RCAN2: variants seen among roughly 807,000 people sequenced by gnomAD.
RCAN2 encodes calcipressin-2.
Under a neutral mutation model 23.6 loss-of-function variants are expected in RCAN2, and 9 were observed. That is an observed-to-expected ratio of 0.38 (90% CI 0.23 to 0.67). The LOEUF (loss-of-function observed/expected upper bound fraction) is 0.67. Among genes scored for constraint, RCAN2 ranks in the 30% least tolerant of loss-of-function variants. The pLI is 0.51. For synonymous variants in RCAN2, 109 were observed against 115.7 expected (o/e 0.94, Z 0.37); for missense variants, 273 against 302.3 (o/e 0.90, Z 0.72).
chr6:46,220,826 C>T lies in RCAN2; in HGVS notation c.*2315G>A, dbSNP rs1203175457. ...TGGTGGAAATCTTCCCCTTCCCCTT[C>T]ATTGTTAAAGTTTTCAAACTTAAAA... On this transcript the variant is annotated 3_prime_UTR_variant, in exon 5 of 5. Coordinates refer to ENST00000371374, the MANE Select transcript of RCAN2 (RefSeq NM_001251974.2). 6.5e-6 allele frequency: 1 copy of T among 152,702 alleles called. No homozygotes were observed. Among genetic ancestry groups the T allele is most frequent in the Non-Finnish European group, 1.5e-5 (1 of 68,040 alleles). 9.5% of individuals were successfully genotyped at this position (152,702 alleles called of 1,614,324 possible). A position where few individuals can be genotyped will look rare whatever the true frequency, so the allele number is the denominator to read the frequency against.
intron 2 of RCAN2, among the ~76,000 whole-genome samples, chr6:46,263,279 T>C (rs1173902092): frequency 6.6e-5 from 10 of 152,092 alleles, no homozygotes; most frequent in Non-Finnish European, 1.2e-4. Context: ...ATTAAGATCC[T>C]CCATAATGTA....
intron 2 of RCAN2, among the ~76,000 whole-genome samples, chr6:46,415,689 C>T (rs1766692837): frequency 6.6e-6 from 1 of 151,892 alleles, no homozygotes; most frequent in Non-Finnish European, 1.5e-5. Context: ...AGGTGGCACC[C>T]AATGACTTTT....
intron 2 of RCAN2, among the ~76,000 whole-genome samples, chr6:46,391,297 C>T (rs1319690995): frequency 6.6e-6 from 1 of 152,102 alleles, no homozygotes; most frequent in African/African-American, 2.4e-5. Flanking sequence ...CAAACTATCG[C>T]ATGAAGATTG....
In RCAN2 at chr6:46,273,858, A is replaced by AT. The variant is rs1345893704; in HGVS notation, c.226-24963dup. On this transcript the variant is annotated intron_variant, in intron 2 of 4. Coordinates refer to ENST00000371374, the MANE Select transcript of RCAN2 (RefSeq NM_001251974.2). ...TTAGAGAGCTGTAAGAGTGTGGCAGATTCTTTTTTTTTTAAATCATGAGTT... is the reference window on the plus strand; with the variant it reads ...TTAGAGAGCTGTAAGAGTGTGGCAGATTTCTTTTTTTTTTAAATCATGAGTT... 6.5e-3 allele frequency among the ~76,000 whole-genome samples: 981 copies of AT among 150,370 alleles called. 3 individuals carry two copies. The highest frequency in any genetic ancestry group is 0.017 in the Middle Eastern group (5 of 292).
At chr6:46,475,200 G>C (rs779279450) in intron 1 of RCAN2, among the ~76,000 whole-genome samples, 1 of 152,132 alleles carries the variant, frequency 6.6e-6, no homozygotes, top group Non-Finnish European at 1.5e-5. Flanking sequence ...GGTTACGGAG[G>C]GGAGAAACCC....
At chr6:46,408,867 T>G (rs146949734) in intron 2 of RCAN2, among the ~76,000 whole-genome samples, 2,594 of 152,330 alleles carry the variant, frequency 0.017, 54 homozygotes, top group South Asian at 0.12. Context: ...GTATCCTGTT[T>G]ACTCCTACAC....
chr6:46,433,012 T>C (rs1031148159), intron 2 of RCAN2, among the ~76,000 whole-genome samples: 2 of 152,218 alleles, frequency 1.3e-5, no homozygotes, highest in Non-Finnish European at 2.9e-5. Flanking sequence ...TTCCCTTGGC[T>C]CACCAATTAA....
intron 2 of RCAN2, among the ~76,000 whole-genome samples, chr6:46,323,382 T>G (rs1763681470): frequency 6.8e-6 from 1 of 146,978 alleles, no homozygotes; most frequent in African/African-American, 2.7e-5. Context: ...TAGGTAACCT[T>G]TCTAAAAAAA....
intron 2 of RCAN2, among the ~76,000 whole-genome samples, chr6:46,446,873 T>A (rs1234464285): frequency 2.6e-5 from 4 of 152,112 alleles, no homozygotes; most frequent in South Asian, 2.1e-4. Context: ...CATAAGCCAC[T>A]ATAGAAAATC....
chr6:46,287,032 T>C (rs907648064), intron 2 of RCAN2, among the ~76,000 whole-genome samples: 2 of 151,628 alleles, frequency 1.3e-5, no homozygotes, highest in Non-Finnish European at 2.9e-5. Context: ...GAAAGAGCAC[T>C]TCAATACCCA....
At chr6:46,277,759 G>T (rs1362451151) in intron 2 of RCAN2, among the ~76,000 whole-genome samples, 1 of 152,002 alleles carries the variant, frequency 6.6e-6, no homozygotes, top group Non-Finnish European at 1.5e-5. Context: ...GTGCTTTAAA[G>T]GGTTTTACTC....
At chr6:46,447,393 T>G (rs1767747867) in intron 2 of RCAN2, among the ~76,000 whole-genome samples, 1 of 151,902 alleles carries the variant, frequency 6.6e-6, no homozygotes, top group African/African-American at 2.4e-5. Flanking sequence ...AACACAATAA[T>G]GGTAGAGGAC....
chr6:46,227,406 A>T (rs1243357578), intron 4 of RCAN2, among the ~76,000 whole-genome samples: 2 of 152,290 alleles, frequency 1.3e-5, no homozygotes, highest in South Asian at 4.1e-4. Flanking sequence ...CTGTGAATAC[A>T]TCTGGTTCTG....
intron 4 of RCAN2, among the ~76,000 whole-genome samples, chr6:46,223,957 C>T (rs941289666): frequency 1.3e-5 from 2 of 152,182 alleles, no homozygotes; most frequent in African/African-American, 4.8e-5. Flanking sequence ...TTGAGCATCT[C>T]TCGTGGTCTA....
At chr6:46,226,398 T>A (rs2150303761) in intron 4 of RCAN2, among the ~76,000 whole-genome samples, 1 of 152,328 alleles carries the variant, frequency 6.6e-6, no homozygotes, top group South Asian at 2.1e-4. Context: ...TTCATGATAT[T>A]GATTCTTCCT....
At chr6:46,410,349 G>A (rs1045828554) in intron 2 of RCAN2, among the ~76,000 whole-genome samples, 19 of 152,140 alleles carry the variant, frequency 1.2e-4, no homozygotes, top group African/African-American at 3.9e-4. Context: ...ACCTACCTAC[G>A]TACCTTTCCT....
chr6:46,366,464 A>G (rs1270380333), intron 2 of RCAN2, among the ~76,000 whole-genome samples: 2 of 152,138 alleles, frequency 1.3e-5, no homozygotes, highest in Non-Finnish European at 2.9e-5. Context: ...TTCCAGTGAC[A>G]AGGATTCTCT....
At chr6:46,381,370 C>T (rs892869069) in intron 2 of RCAN2, among the ~76,000 whole-genome samples, 2 of 152,148 alleles carry the variant, frequency 1.3e-5, no homozygotes, top group African/African-American at 2.4e-5. Flanking sequence ...TCCTGTGGCT[C>T]GGTTCTCTTA....
chr6:46,303,777 C>T (rs1400441490), intron 2 of RCAN2, among the ~76,000 whole-genome samples: 1 of 152,172 alleles, frequency 6.6e-6, no homozygotes, highest in East Asian at 1.9e-4. Context: ...TTTTCTTTTA[C>T]TCTACATTTT....
Sources: allele counts gnomAD v4.1 joint callset (sites outside exome capture counted in the v4.1 genomes callset), GRCh38; gene constraint gnomAD v4.1.1; transcripts MANE v1.5; gene names NCBI Gene and HGNC (gene_info 2026-07-23, HGNC 2026-07-21).